Variants in TBCK observed in about 807,000 individuals in gnomAD.
TBCK encodes TBC domain-containing protein kinase-like protein.
Under a neutral mutation model 113.4 loss-of-function variants are expected in TBCK, and 99 were observed. The ratio of observed to expected loss-of-function variants is 0.87; its 90% confidence interval spans 0.74 to 1.03. TBCK has a LOEUF of 1.03. Among genes scored for constraint, TBCK ranks in the 50% least tolerant of loss-of-function variants. The probability of loss-of-function intolerance (pLI) is 0.00; values close to 1 mark genes in which losing one functional copy is unlikely to be tolerated. For missense variants in TBCK, 1,045 were observed against 1,061.3 expected, an observed-to-expected ratio of 0.98 and a Z score of 0.21; for synonymous variants, 369 against 370.8, an observed-to-expected ratio of 1.00 and a Z score of 0.05.
At chr4:106,075,448 T>C (rs1037241787) in intron 25 of TBCK, among the ~76,000 whole-genome samples, 1 of 152,208 alleles carries the variant, frequency 6.6e-6, no homozygotes, top group Non-Finnish European at 1.5e-5. Context: ...ACTGACTTAT[T>C]TGGAATGTGA....
chr4:106,234,769 T>G (rs1345989963), intron 15 of TBCK, among the ~76,000 whole-genome samples: 1 of 152,086 alleles, frequency 6.6e-6, no homozygotes, highest in Non-Finnish European at 1.5e-5. Context: ...CCACCATAAT[T>G]TGTGACACAT....
chr4:106,087,933 T>C (rs955146957), intron 25 of TBCK, among the ~76,000 whole-genome samples: 4 of 152,024 alleles, frequency 2.6e-5, no homozygotes, highest in African/African-American at 7.2e-5. Flanking sequence ...CCCTACCTTA[T>C]GTCTTATACA....
At chr4:106,146,293 T>C (rs1456868488) in intron 23 of TBCK, among the ~76,000 whole-genome samples, 7 of 152,208 alleles carry the variant, frequency 4.6e-5, no homozygotes, top group Admixed American at 4.6e-4. Context: ...ATGTCTTTTA[T>C]GGGAACATGG....
chr4:106,058,143 A>G (rs1487058436), intron 25 of TBCK, among the ~76,000 whole-genome samples: 1 of 151,796 alleles, frequency 6.6e-6, no homozygotes, highest in Non-Finnish European at 1.5e-5. Context: ...TGGGGATATA[A>G]CAATGCAACA....
chr4:106,158,920 A>T (rs1749426619), intron 23 of TBCK, among the ~76,000 whole-genome samples: 1 of 152,124 alleles, frequency 6.6e-6, no homozygotes, highest in Non-Finnish European at 1.5e-5. Flanking sequence ...AACTGAATTC[A>T]AAAGCATATT....
At chr4:106,134,002 T>G (rs1746264601) in intron 23 of TBCK, among the ~76,000 whole-genome samples, 1 of 150,810 alleles carries the variant, frequency 6.6e-6, no homozygotes. Flanking sequence ...AAGAGTGAGA[T>G]TCCGTCTCAA....
chr4:106,219,227 G>C (rs1757372674), intron 19 of TBCK, among the ~76,000 whole-genome samples: 2 of 117,594 alleles, frequency 1.7e-5, no homozygotes, highest in South Asian at 3.1e-4. Context: ...TTGTGGGGTG[G>C]GGGGAGGGGG....
Position 106,116,391 on chromosome 4 carries a change from AT to A in TBCK, c.2236-14del, listed in dbSNP as rs1743509945. ...TGGATTCTCTTGACTGAAAAAAAAA[AT>A]GTACAAAAAAAAATATTGAGAATAT... is the stretch of plus-strand genomic sequence containing the variant. On this transcript the variant is annotated splice_polypyrimidine_tract_variant and intron_variant, in intron 23 of 25. Coordinates refer to ENST00000394708, the MANE Select transcript of TBCK (RefSeq NM_001163435.3). The A allele has an allele frequency of 1.3e-6, 2 of 1,590,622 alleles. No individual in the cohort carries two copies. Among genetic ancestry groups the A allele is most frequent in the East Asian group, 2.2e-5 (1 of 44,666 alleles).
At chr4:106,160,360 A>G (rs1749629441) in intron 23 of TBCK, among the ~76,000 whole-genome samples, 1 of 151,952 alleles carries the variant, frequency 6.6e-6, no homozygotes, top group Non-Finnish European at 1.5e-5. Flanking sequence ...ATATTTGCAA[A>G]TCATATATTT....
chr4:106,269,477 A>C (rs1411897251), intron 3 of TBCK, among the ~76,000 whole-genome samples: 1 of 152,126 alleles, frequency 6.6e-6, no homozygotes, highest in Non-Finnish European at 1.5e-5. Flanking sequence ...AAAAGGATGA[A>C]AAATACAACA....
At chr4:106,306,236 ATTTTT>A (rs60417567) in intron 2 of TBCK, among the ~76,000 whole-genome samples, 1 of 97,326 alleles carries the variant, frequency 1.0e-5, no homozygotes, top group Non-Finnish European at 2.0e-5. Context: ...TGCCTGGCTA[ATTTTT>A]TTTTTTTTTT....
chr4:106,123,467 A>G (rs1010005630), intron 23 of TBCK, among the ~76,000 whole-genome samples: 4 of 152,218 alleles, frequency 2.6e-5, no homozygotes, highest in Admixed American at 2.6e-4. Context: ...TTACAGATTC[A>G]ATGCCATCCC....
At chr4:106,254,373 G>A (rs1420462194) in intron 5 of TBCK, among the ~76,000 whole-genome samples, 1 of 152,202 alleles carries the variant, frequency 6.6e-6, no homozygotes, top group African/African-American at 2.4e-5. Flanking sequence ...AGTTTCTAAG[G>A]ATAGCAGTCT....
At chr4:106,115,914 G>T (rs900957343) in intron 24 of TBCK, among the ~76,000 whole-genome samples, 1 of 152,056 alleles carries the variant, frequency 6.6e-6, no homozygotes, top group African/African-American at 2.4e-5. Context: ...ACAGCATGAA[G>T]GATTCAAATG....
intron 22 of TBCK, 102 bp from the exon 23 acceptor site, chr4:106,171,372 A>T: frequency 1.2e-6 from 1 of 814,972 alleles, no homozygotes; most frequent in Non-Finnish European, 1.9e-6. Context: ...AAATATGGCT[A>T]AGATGATAAG....
intron 11 of TBCK, among the ~76,000 whole-genome samples, chr4:106,244,070 T>A (rs1760479233): frequency 6.6e-6 from 1 of 152,278 alleles, no homozygotes; most frequent in Non-Finnish European, 1.5e-5. Flanking sequence ...GCAATGTTAA[T>A]AACAATCTTA....
intron 3 of TBCK, among the ~76,000 whole-genome samples, chr4:106,272,929 T>C (rs1478206534): frequency 4.6e-5 from 7 of 152,228 alleles, no homozygotes. Context: ...TGGGTTCACT[T>C]AACTGAATAG....
At chr4:106,269,176 T>G (rs780300132) in intron 3 of TBCK, among the ~76,000 whole-genome samples, 8 of 152,136 alleles carry the variant, frequency 5.3e-5, no homozygotes, top group African/African-American at 1.9e-4. Context: ...TTAGCTACTG[T>G]GTAATTTAAG....
intron 18 of TBCK, among the ~76,000 whole-genome samples, chr4:106,231,449 C>A (rs1758848106): frequency 6.6e-6 from 1 of 151,748 alleles, no homozygotes. Context: ...GATTTCTTTA[C>A]AAATTCTTTA....
Sources: allele counts gnomAD v4.1 joint callset (sites outside exome capture counted in the v4.1 genomes callset), GRCh38; gene constraint gnomAD v4.1.1; transcripts MANE v1.5; gene names NCBI Gene and HGNC (gene_info 2026-07-23, HGNC 2026-07-21).